Variants in CNTNAP2 observed in about 807,000 individuals in gnomAD.
CNTNAP2 encodes contactin associated protein 2.
In CNTNAP2, 98 loss-of-function variants were observed where a neutral mutation model predicts 155.2. That is an observed-to-expected ratio of 0.63 (90% CI 0.54 to 0.75). The LOEUF (loss-of-function observed/expected upper bound fraction) is 0.75, where lower values mean the gene tolerates loss of function less well. Among genes scored for constraint, CNTNAP2 ranks in the 30% least tolerant of loss-of-function variants. CNTNAP2 has a pLI of 0.00. For missense variants in CNTNAP2, 1,727 were observed against 1,688.1 expected (o/e 1.02, Z -0.40); for synonymous variants, 651 against 631.2 (o/e 1.03, Z -0.47).
rs1184483145 is a variant in CNTNAP2 at position 148,420,625 on chromosome 7, C to T, written c.*5009C>T. 1 of 152,380 alleles carries T rather than the reference C, an allele frequency of 6.6e-6. No homozygotes were observed. Among genetic ancestry groups the T allele is most frequent in the Non-Finnish European group, 1.5e-5 (1 of 68,046 alleles). The allele number at this position is 152,380 out of a possible 1,614,324, so 9.4% of individuals were successfully genotyped here. On this transcript the variant is annotated 3_prime_UTR_variant, in exon 24 of 24. Coordinates refer to ENST00000361727, the MANE Select transcript of CNTNAP2 (RefSeq NM_014141.6). Reference sequence around the variant, plus strand: ...TTTCCAAGTCTCAGTTAATTTACAGCAACTGCTGCTTTCGGAGATGGCTGT... The same window carrying T: ...TTTCCAAGTCTCAGTTAATTTACAGTAACTGCTGCTTTCGGAGATGGCTGT...
At chr7:147,162,721 G>A (rs145979367) in intron 8 of CNTNAP2, among the ~76,000 whole-genome samples, 1 of 152,218 alleles carries the variant, frequency 6.6e-6, no homozygotes, top group Non-Finnish European at 1.5e-5. Flanking sequence ...AGAAGCATAA[G>A]CATCGGTAAT....
intron 8 of CNTNAP2, among the ~76,000 whole-genome samples, chr7:147,177,472 CTG>C (rs1802373594): frequency 6.6e-6 from 1 of 152,156 alleles, no homozygotes; most frequent in Admixed American, 6.5e-5. Context: ...CCATGCAGAA[CTG>C]TGAGTCCATT....
chr7:146,571,966 A>G (rs1403104697), intron 1 of CNTNAP2, among the ~76,000 whole-genome samples: 1 of 151,754 alleles, frequency 6.6e-6, no homozygotes, highest in Admixed American at 6.6e-5. Flanking sequence ...TGATCCCCCC[A>G]CCTCGGCCTC....
chr7:147,253,318 C>T (rs550602715), intron 8 of CNTNAP2, among the ~76,000 whole-genome samples: 105 of 151,198 alleles, frequency 6.9e-4, no homozygotes, highest in Middle Eastern at 3.5e-3. Context: ...GGTTCCCTAG[C>T]CACGTAGAAG....
chr7:146,181,704 G>A (rs546298196), intron 1 of CNTNAP2, among the ~76,000 whole-genome samples: 1 of 152,192 alleles, frequency 6.6e-6, no homozygotes, highest in Non-Finnish European at 1.5e-5. Context: ...CACAAGCCTG[G>A]CCTTGTTTCT....
chr7:148,352,348 T>A (rs768198322), intron 21 of CNTNAP2, among the ~76,000 whole-genome samples: 1 of 152,200 alleles, frequency 6.6e-6, no homozygotes, highest in Non-Finnish European at 1.5e-5. Context: ...CATCATATAA[T>A]TGTAGCTTTA....
chr7:146,749,112 T>A (rs1801860237), intron 1 of CNTNAP2, among the ~76,000 whole-genome samples: 2 of 152,146 alleles, frequency 1.3e-5, no homozygotes, highest in Non-Finnish European at 1.5e-5. Flanking sequence ...ATCACACACA[T>A]ATATAACATA....
At chr7:147,903,515 A>G in intron 13 of CNTNAP2, 50 bp from the exon 14 acceptor site, 1 of 1,603,640 alleles carries the variant, frequency 6.2e-7, no homozygotes, top group Non-Finnish European at 8.5e-7. Flanking sequence ...TGGCAGTCTA[A>G]TGACTGAACC....
intron 21 of CNTNAP2, among the ~76,000 whole-genome samples, chr7:148,368,217 C>T (rs932250725): frequency 3.3e-5 from 5 of 152,038 alleles, no homozygotes; most frequent in Non-Finnish European, 5.9e-5. Context: ...ATTACCAATT[C>T]GCAGGGGGAC....
chr7:146,610,239 C>T (rs904007541), intron 1 of CNTNAP2, among the ~76,000 whole-genome samples: 3 of 152,178 alleles, frequency 2.0e-5, no homozygotes, highest in African/African-American at 4.8e-5. Context: ...GGATTATTCT[C>T]GTGTAGTCGT....
intron 3 of CNTNAP2, among the ~76,000 whole-genome samples, chr7:146,933,084 C>G (rs926915608): frequency 6.6e-6 from 1 of 152,120 alleles, no homozygotes; most frequent in Non-Finnish European, 1.5e-5. Context: ...TTGGAAAAAA[C>G]TACTTTAAAG....
chr7:146,373,576 A>T (rs935641854), intron 1 of CNTNAP2, among the ~76,000 whole-genome samples: 1 of 152,182 alleles, frequency 6.6e-6, no homozygotes, highest in African/African-American at 2.4e-5. Flanking sequence ...CACCAGAAAG[A>T]TAAAAGGATG....
At chr7:148,174,419 C>CA (rs61138548) in intron 18 of CNTNAP2, among the ~76,000 whole-genome samples, 9 of 142,364 alleles carry the variant, frequency 6.3e-5, no homozygotes, top group Admixed American at 1.4e-4. Flanking sequence ...TTCCTGTGAC[C>CA]GCCCCCCACC....
At chr7:146,785,688 C>A (rs115084225) in intron 2 of CNTNAP2, among the ~76,000 whole-genome samples, 2,093 of 152,272 alleles carry the variant, frequency 0.014, 47 homozygotes, top group African/African-American at 0.047. Context: ...ACGCAATTAT[C>A]ATCATAAATA....
chr7:146,200,426 G>T (rs545711798), intron 1 of CNTNAP2, among the ~76,000 whole-genome samples: 3 of 151,930 alleles, frequency 2.0e-5, no homozygotes, highest in Non-Finnish European at 4.4e-5. Flanking sequence ...CCCGGAAGGC[G>T]GAGGTTGCAG....
chr7:146,761,476 C>T (rs1563220145), intron 1 of CNTNAP2, among the ~76,000 whole-genome samples: 1 of 152,082 alleles, frequency 6.6e-6, no homozygotes, highest in Non-Finnish European at 1.5e-5. Context: ...TGAAGAAGAG[C>T]ACTTTAGGCA....
At chr7:146,183,606 A>AAATAATAATAATAATAATAAT (rs55823511) in intron 1 of CNTNAP2, among the ~76,000 whole-genome samples, 25 of 143,440 alleles carry the variant, frequency 1.7e-4, no homozygotes, top group Middle Eastern at 3.7e-3. Flanking sequence ...ATCACCACAC[A>AAATAATAATAATAATAATAAT]AATAATAATA....
chr7:146,574,623 C>T (rs1006990151), intron 1 of CNTNAP2, among the ~76,000 whole-genome samples: 3 of 152,126 alleles, frequency 2.0e-5, no homozygotes, highest in African/African-American at 7.2e-5. Flanking sequence ...ATTGCTTGAA[C>T]CTGGGAGGCG....
intron 2 of CNTNAP2, among the ~76,000 whole-genome samples, chr7:146,818,608 G>GTGGCC (rs1228505101): frequency 2.0e-5 from 3 of 152,090 alleles, no homozygotes; most frequent in African/African-American, 7.2e-5. Flanking sequence ...CTAGCTCTCT[G>GTGGCC]TGGCCTGGGC....
Sources: allele counts gnomAD v4.1 joint callset (sites outside exome capture counted in the v4.1 genomes callset), GRCh38; gene constraint gnomAD v4.1.1; transcripts MANE v1.5; gene names NCBI Gene and HGNC (gene_info 2026-07-23, HGNC 2026-07-21).